The following FGF1 variants were observed in gnomAD, a reference collection of about 807,000 sequenced individuals.
FGF1 encodes the protein beta-endothelial cell growth factor.
A neutral mutation model predicts 13.4 loss-of-function variants in FGF1; 9 were observed. That is an observed-to-expected ratio of 0.67 (90% CI 0.40 to 1.17). The LOEUF is 1.17. FGF1 is among the 50% of genes most tolerant of loss of function. The probability of loss-of-function intolerance (pLI) is 0.01; values close to 1 mark genes in which losing one functional copy is unlikely to be tolerated. For synonymous variants in FGF1, 93 were observed against 79.0 expected (o/e 1.18, Z -0.94); for missense variants, 156 against 192.7 (o/e 0.81, Z 1.13).
At chr5:142,650,656 A>ATG (rs200639790) in intron 1 of FGF1, among the ~76,000 whole-genome samples, 8 of 151,262 alleles carry the variant, frequency 5.3e-5, no homozygotes, top group Non-Finnish European at 1.0e-4. Context: ...TACACTTTAT[A>ATG]TGTGTGTGTG....
At chr5:142,675,723 G>A (rs989527705) in intron 1 of FGF1, among the ~76,000 whole-genome samples, 2 of 152,182 alleles carry the variant, frequency 1.3e-5, no homozygotes, top group African/African-American at 4.8e-5. Flanking sequence ...AAGGGAGGGT[G>A]GAGCATCGGG....
intron 1 of FGF1, among the ~76,000 whole-genome samples, chr5:142,666,604 A>C (rs1452132337): frequency 6.6e-6 from 1 of 152,234 alleles, no homozygotes; most frequent in Non-Finnish European, 1.5e-5. Context: ...AAAGATGTCT[A>C]CATTATAACA....
intron 2 of FGF1, among the ~76,000 whole-genome samples, chr5:142,606,604 A>C (rs930699368): frequency 5.3e-5 from 8 of 152,204 alleles, no homozygotes; most frequent in African/African-American, 1.9e-4. Flanking sequence ...GCCTGGCGGC[A>C]GAGCGAGATT....
chr5:142,645,866 C>T (rs1350899304), intron 1 of FGF1, among the ~76,000 whole-genome samples: 1 of 152,150 alleles, frequency 6.6e-6, no homozygotes, highest in Non-Finnish European at 1.5e-5. Context: ...AGTCACTGCT[C>T]ATTTCTATCT....
chr5:142,670,523 A>G (rs1015641317), intron 1 of FGF1, among the ~76,000 whole-genome samples: 1 of 152,108 alleles, frequency 6.6e-6, no homozygotes, highest in Non-Finnish European at 1.5e-5. Context: ...TCTTTCTACA[A>G]TTGAGTTGTT....
intron 1 of FGF1, among the ~76,000 whole-genome samples, chr5:142,637,511 G>A (rs1764471812): frequency 6.6e-6 from 1 of 151,900 alleles, no homozygotes; most frequent in Admixed American, 6.5e-5. Flanking sequence ...TGTAGAGACA[G>A]GGTTTCACCA....
intron 1 of FGF1, among the ~76,000 whole-genome samples, chr5:142,673,467 C>G (rs1189743530): frequency 6.6e-6 from 1 of 152,164 alleles, no homozygotes; most frequent in Non-Finnish European, 1.5e-5. Flanking sequence ...ATAAATATGA[C>G]CAGTTACAAG....
intron 2 of FGF1, among the ~76,000 whole-genome samples, chr5:142,601,888 G>T (rs1756643900): frequency 6.6e-6 from 1 of 152,182 alleles, no homozygotes; most frequent in South Asian, 2.1e-4. Context: ...TCACCCTAGG[G>T]TGCCCTCTTG....
intron 2 of FGF1, among the ~76,000 whole-genome samples, chr5:142,605,172 A>G (rs1757375114): frequency 6.6e-6 from 1 of 151,208 alleles, no homozygotes; most frequent in Non-Finnish European, 1.5e-5. Flanking sequence ...CTGTGGTGTG[A>G]TCTCAGCTCA....
At chr5:142,648,184 G>C (rs1207334556) in intron 1 of FGF1, among the ~76,000 whole-genome samples, 1 of 152,084 alleles carries the variant, frequency 6.6e-6, no homozygotes, top group African/African-American at 2.4e-5. Flanking sequence ...TTCACACCAA[G>C]AGAACAAGTG....
chr5:142,676,551 T>C (rs1030130445), intron 1 of FGF1, among the ~76,000 whole-genome samples: 5 of 152,224 alleles, frequency 3.3e-5, no homozygotes, highest in Non-Finnish European at 7.3e-5. Flanking sequence ...GATCCAGAAT[T>C]CACACCCAGA....
chr5:142,603,105 T>G (rs1756934463), intron 2 of FGF1, among the ~76,000 whole-genome samples: 1 of 152,182 alleles, frequency 6.6e-6, no homozygotes, highest in Non-Finnish European at 1.5e-5. Context: ...AGTGTAGCCG[T>G]GAGGGAACAG....
intron 1 of FGF1, among the ~76,000 whole-genome samples, chr5:142,672,368 A>C (rs1771637172): frequency 6.6e-6 from 1 of 152,186 alleles, no homozygotes; most frequent in Non-Finnish European, 1.5e-5. Flanking sequence ...GATGTTGAGC[A>C]TCCACTCCAC....
intron 2 of FGF1, among the ~76,000 whole-genome samples, chr5:142,607,207 G>A (rs951088968): frequency 1.3e-5 from 2 of 152,190 alleles, no homozygotes; most frequent in African/African-American, 4.8e-5. Flanking sequence ...GGCAGACAGG[G>A]ACCCAGGAGA....
At chr5:142,601,368 A>AAC (rs1756518251) in intron 2 of FGF1, among the ~76,000 whole-genome samples, 1 of 152,160 alleles carries the variant, frequency 6.6e-6, no homozygotes, top group South Asian at 2.1e-4. Flanking sequence ...GTTCCCAGGG[A>AAC]GTTAGGACTG....
intron 1 of FGF1, among the ~76,000 whole-genome samples, chr5:142,636,123 C>T (rs973563249): frequency 2.0e-5 from 3 of 152,186 alleles, no homozygotes; most frequent in Non-Finnish European, 4.4e-5. Flanking sequence ...AGGCTGGAGC[C>T]GGATTTTCTG....
chr5:142,691,485 A>G (rs570804605), intron 2 of FGF1, among the ~76,000 whole-genome samples: 1 of 149,458 alleles, frequency 6.7e-6, no homozygotes, highest in Non-Finnish European at 1.5e-5. Context: ...TAAAATAAAT[A>G]AAATATTTAC....
At chr5:142,608,570 A>C (rs1758294637) in intron 2 of FGF1, among the ~76,000 whole-genome samples, 1 of 97,004 alleles carries the variant, frequency 1.0e-5, no homozygotes, top group Non-Finnish European at 1.9e-5. Flanking sequence ...ATATATATAT[A>C]TATATATATA....
intron 1 of FGF1, among the ~76,000 whole-genome samples, chr5:142,641,793 C>T (rs558854652): frequency 2.0e-5 from 3 of 151,764 alleles, no homozygotes; most frequent in South Asian, 4.2e-4. Context: ...TATTCAATTT[C>T]GGTTTACAAA....
Sources: gnomAD v4.1 joint callset for allele counts (sites outside exome capture counted in the v4.1 genomes callset) on GRCh38, gnomAD v4.1.1 for gene constraint, MANE v1.5 for transcripts, NCBI Gene and HGNC (gene_info 2026-07-23, HGNC 2026-07-21) for gene names.